ECM2: variants seen among roughly 807,000 people sequenced by gnomAD.
The protein encoded by ECM2 is extracellular matrix protein 2.
In ECM2, 57 loss-of-function variants were observed where a neutral mutation model predicts 67.5. The ratio of observed to expected loss-of-function variants is 0.84; its 90% confidence interval spans 0.68 to 1.05. The LOEUF is 1.05. Among genes scored for constraint, ECM2 ranks in the 50% least tolerant of loss-of-function variants. ECM2 has a pLI of 0.00. For missense variants in ECM2, 741 were observed against 822.8 expected (o/e 0.90, Z 1.22); for synonymous variants, 258 against 294.5 (o/e 0.88, Z 1.27).
intron 5 of ECM2, 46 bp downstream of exon 5, chr9:92,511,965 T>G: frequency 1.4e-6 from 2 of 1,416,418 alleles, no homozygotes; most frequent in African/African-American, 1.5e-5. Context: ...ATGCAAGTCA[T>G]AGTGAAGCCA....
At chr9:92,539,672 T>A (rs893596514), upstream of ECM2, among the ~76,000 whole-genome samples, 2 of 151,468 alleles carry the variant, frequency 1.3e-5, no homozygotes, top group African/African-American at 4.9e-5. Context: ...AGGGGAGGAG[T>A]AGTATGGACT....
intron 4 of ECM2, among the ~76,000 whole-genome samples, chr9:92,512,432 T>C (rs977501889): frequency 1.3e-5 from 2 of 152,198 alleles, no homozygotes; most frequent in African/African-American, 2.4e-5. Flanking sequence ...ACTGGTAACA[T>C]TGTACATTTA....
At chr9:92,542,764 G>A in the ECM2 span, among the ~76,000 whole-genome samples, 27 of 152,048 alleles carry the variant, frequency 1.8e-4, no homozygotes, top group African/African-American at 3.1e-4. Flanking sequence ...CACCGGCCTC[G>A]GCCTCCCAAA....
the ECM2 span, among the ~76,000 whole-genome samples, chr9:92,559,027 C>T: frequency 1.3e-5 from 2 of 152,102 alleles, no homozygotes; most frequent in African/African-American, 4.8e-5. Context: ...GCAAGAGGGG[C>T]TTGAAAACTT....
chr9:92,539,078 AG>A (rs1849254374), upstream of ECM2: 2 of 152,210 alleles, frequency 1.3e-5, no homozygotes, highest in South Asian at 4.1e-4. Flanking sequence ...CCGAATAAGG[AG>A]GCTTAAAGCT....
At chr9:92,532,653 T>C (rs754631156) in intron 1 of ECM2, among the ~76,000 whole-genome samples, 8 of 152,230 alleles carry the variant, frequency 5.3e-5, no homozygotes, top group Non-Finnish European at 8.8e-5. Flanking sequence ...TGTTCTTTTA[T>C]TGTATTTTCT....
rs374836833 is a variant in ECM2 at position 92,517,667 on chromosome 9, G to C, written c.481+20C>G. The C allele has an allele frequency of 4.7e-5, 76 of 1,613,382 alleles. No individual in the cohort carries two copies. Among genetic ancestry groups the C allele is most frequent in the Admixed American group, 3.3e-5 (2 of 59,896 alleles). On this transcript the variant is annotated intron_variant, in intron 3 of 9. Transcript: ENST00000344604. Reference sequence around the variant, plus strand: ...AAGATTAATCACACACTGATATTTTGCTTAGCTAAATCTCTGTACCAGTAG... The same window carrying C: ...AAGATTAATCACACACTGATATTTTCCTTAGCTAAATCTCTGTACCAGTAG...
At chr9:92,540,423 G>GCA (rs1849290393), upstream of ECM2, among the ~76,000 whole-genome samples, 1 of 142,622 alleles carries the variant, frequency 7.0e-6, no homozygotes, top group African/African-American at 2.8e-5. Flanking sequence ...GGACGACAGA[G>GCA]CGAGACTGTC....
intron 6 of ECM2, among the ~76,000 whole-genome samples, chr9:92,508,821 T>G (rs1032321825): frequency 2.6e-5 from 4 of 152,168 alleles, no homozygotes; most frequent in African/African-American, 9.7e-5. Context: ...TTGAATTGTT[T>G]TATTCCTTTA....
At chr9:92,494,118 T>G (rs1456427863), downstream of ECM2, 1 of 1,598,004 alleles carries the variant, frequency 6.3e-7, no homozygotes. Flanking sequence ...GATCTGTTTG[T>G]CACTGTCTCT....
chr9:92,525,185 G>A lies in ECM2; in HGVS notation c.-27-2292C>T, dbSNP rs10992358. Among the ~76,000 whole-genome samples, 123 of 152,212 alleles carry A rather than the reference G, an allele frequency of 8.1e-4. No homozygotes were observed. In the East Asian group the frequency reaches 0.022, roughly 27 times the overall value. ...CATAAAAAATTAGCTGGGCATGGTGGTGCATACCTGTAGTCCTAGCTACTC... is the reference window on the plus strand; with the variant it reads ...CATAAAAAATTAGCTGGGCATGGTGATGCATACCTGTAGTCCTAGCTACTC... On this transcript the variant is annotated intron_variant, in intron 1 of 9. Coordinates refer to ENST00000344604, the MANE Select transcript of ECM2 (RefSeq NM_001393.4).
the ECM2 span, among the ~76,000 whole-genome samples, chr9:92,556,955 T>C: frequency 1.3e-5 from 2 of 152,236 alleles, no homozygotes; most frequent in African/African-American, 4.8e-5. Flanking sequence ...AGAGGTTCTA[T>C]TGTCATGTAT....
intron 5 of ECM2, 137 bp from the exon 6 acceptor site, chr9:92,510,171 A>G: frequency 1.1e-6 from 1 of 881,842 alleles, no homozygotes. Flanking sequence ...GCCACACAGC[A>G]AACCCCTTAT....
intron 1 of ECM2, among the ~76,000 whole-genome samples, chr9:92,524,277 C>A (rs1848257361): frequency 6.6e-6 from 1 of 152,138 alleles, no homozygotes; most frequent in South Asian, 2.1e-4. Context: ...AAGAGTAACT[C>A]TTTAATTAGC....
chr9:92,549,862 G>A, the ECM2 span, among the ~76,000 whole-genome samples: 1 of 152,098 alleles, frequency 6.6e-6, no homozygotes, highest in Admixed American at 6.5e-5. Flanking sequence ...GTTTGTTCAG[G>A]AGCCAGGCTT....
At chr9:92,545,209 G>A in the ECM2 span, among the ~76,000 whole-genome samples, 7 of 152,020 alleles carry the variant, frequency 4.6e-5, no homozygotes, top group African/African-American at 7.2e-5. Context: ...GGCCGAGGCC[G>A]GAGCCGGCTC....
Position 92,495,697 on chromosome 9 carries a change from A to G in ECM2, c.*618T>C, listed in dbSNP as rs573799602. On this transcript the variant is annotated 3_prime_UTR_variant, in exon 10 of 10. Coordinates refer to ENST00000344604, the MANE Select transcript of ECM2 (RefSeq NM_001393.4). ...CTGCCAGCTTTCCTTAATGTTAACA[A>G]TGTACATAACCATAATATGATTTTC... 9 of 892,124 alleles carry G rather than the reference A, an allele frequency of 1.0e-5. No individual in the cohort carries two copies. In the East Asian group the frequency reaches 4.8e-4, roughly 47 times the overall value. 55.3% of individuals were successfully genotyped at this position (892,124 alleles called of 1,614,324 possible).
At position 92,517,888 on chromosome 9, in the gene ECM2, A is replaced by C; in HGVS notation, c.293-13T>G. The stretch of plus-strand genomic sequence containing the variant: ...TGTCCCTTCTTTCCTAGAAGAAAAC[A>C]AAAGCACAAATTTAAATTTCTTATG... On this transcript the variant is annotated splice_polypyrimidine_tract_variant and intron_variant, in intron 2 of 9. Transcript: ENST00000344604. The C allele has an allele frequency of 6.2e-7, 1 of 1,613,232 alleles. No individual in the cohort carries two copies. Among genetic ancestry groups the C allele is most frequent in the Non-Finnish European group, 8.5e-7 (1 of 1,179,554 alleles).
chr9:92,542,587 G>T, the ECM2 span, among the ~76,000 whole-genome samples: 3 of 151,910 alleles, frequency 2.0e-5, no homozygotes, highest in East Asian at 3.9e-4. Flanking sequence ...CACGATCATG[G>T]CTCACTGCAA....
Sources: allele counts gnomAD v4.1 joint callset (sites outside exome capture counted in the v4.1 genomes callset), GRCh38; gene constraint gnomAD v4.1.1; transcripts MANE v1.5; gene names NCBI Gene and HGNC (gene_info 2026-07-23, HGNC 2026-07-21).